Variants in DAB1 observed in about 807,000 individuals in gnomAD.
DAB1 encodes the protein disabled homolog 1.
DAB1 carries 15 observed loss-of-function variants against 64.6 expected under a neutral mutation model. The ratio of observed to expected loss-of-function variants is 0.23; its 90% CI spans 0.16 to 0.36. The LOEUF (loss-of-function observed/expected upper bound fraction) is 0.36, where lower values mean the gene tolerates loss of function less well. DAB1 is among the 10% of genes least tolerant of loss of function. DAB1 has a pLI of 1.00. For missense variants in DAB1, 596 were observed against 706.7 expected (o/e 0.84, Z 1.78); for synonymous variants, 235 against 251.9 (o/e 0.93, Z 0.64).
At chr1:58,516,135 T>C (rs1646154268) in intron 2 of DAB1, among the ~76,000 whole-genome samples, 3 of 152,132 alleles carry the variant, frequency 2.0e-5, no homozygotes, top group African/African-American at 7.2e-5. Flanking sequence ...TATCCCCTTT[T>C]CCCTCACATT....
At chr1:57,495,221 G>A (rs945708691) in intron 7 of DAB1, among the ~76,000 whole-genome samples, 17 of 152,094 alleles carry the variant, frequency 1.1e-4, no homozygotes, top group Non-Finnish European at 2.5e-4. Context: ...TAGCCTAAGA[G>A]GCATCAGGTA....
intron 4 of DAB1, among the ~76,000 whole-genome samples, chr1:58,284,280 G>T (rs114590518): frequency 0.027 from 4,175 of 152,320 alleles, 90 homozygotes; most frequent in African/African-American, 0.049. Flanking sequence ...CTCCTTGAGT[G>T]CCAGCACAGA....
chr1:57,569,214 GC>G (rs1453793374), intron 7 of DAB1, among the ~76,000 whole-genome samples: 4 of 125,580 alleles, frequency 3.2e-5, no homozygotes, highest in Non-Finnish European at 4.7e-5. Context: ...AGCCGAGATT[GC>G]GCCACTGCAC....
At chr1:57,968,830 C>T (rs1645730684) in intron 5 of DAB1, among the ~76,000 whole-genome samples, 1 of 152,184 alleles carries the variant, frequency 6.6e-6, no homozygotes, top group Non-Finnish European at 1.5e-5. Context: ...TATTCAATGG[C>T]TCACAGCTTG....
At chr1:58,313,635 C>A (rs916658060) in intron 4 of DAB1, among the ~76,000 whole-genome samples, 1 of 152,030 alleles carries the variant, frequency 6.6e-6, no homozygotes, top group Non-Finnish European at 1.5e-5. Flanking sequence ...ACAAAAGTAA[C>A]CCGGTGTGTC....
intron 7 of DAB1, among the ~76,000 whole-genome samples, chr1:57,518,431 TAAATA>T (rs1268080437): frequency 1.3e-5 from 2 of 151,968 alleles, no homozygotes; most frequent in Non-Finnish European, 2.9e-5. Flanking sequence ...AAAATAGAAA[TAAATA>T]AAATAAAATA....
chr1:57,399,536 G>C (rs1683072280), intron 1 of DAB1, among the ~76,000 whole-genome samples: 1 of 152,208 alleles, frequency 6.6e-6, no homozygotes, highest in South Asian at 2.1e-4. Flanking sequence ...CCAAGTTGAA[G>C]AATCCCAGTA....
rs538804246 is a variant in DAB1, at chr1:58,525,533, C to CA, written n.107+1727dup. Among the ~76,000 whole-genome samples, 23 of 152,014 alleles carry CA rather than the reference C, an allele frequency of 1.5e-4. No individual in the cohort carries two copies. The South Asian group carries it at 3.3e-3, about 22-fold the overall frequency. Reference sequence around the variant, plus strand: ...ACAAAAGATGTGTAATTCCTACATACAAAAAAATTTCAAAACATCGAGAAA... The same window carrying CA: ...ACAAAAGATGTGTAATTCCTACATACAAAAAAAATTTCAAAACATCGAGAAA... On this transcript the variant is annotated intron_variant and non_coding_transcript_variant, in intron 2 of 20. Coordinates refer to the DAB1 transcript ENST00000485760.
chr1:58,157,854 A>G (rs1235785102), intron 4 of DAB1, among the ~76,000 whole-genome samples: 3 of 152,312 alleles, frequency 2.0e-5, no homozygotes, highest in African/African-American at 7.2e-5. Context: ...ATTTGAGAAT[A>G]TTTATTAAAT....
chr1:57,441,204 A>G (rs1180832667), intron 7 of DAB1, among the ~76,000 whole-genome samples: 12 of 152,196 alleles, frequency 7.9e-5, no homozygotes, highest in Non-Finnish European at 1.2e-4. Context: ...ACACAATTTC[A>G]TTCTTTTTAT....
chr1:57,558,451 G>A (rs747484841), intron 7 of DAB1, among the ~76,000 whole-genome samples: 14 of 152,176 alleles, frequency 9.2e-5, no homozygotes, highest in South Asian at 2.1e-4. Context: ...ATGAGGAAGC[G>A]TGCTACACTC....
intron 2 of DAB1, among the ~76,000 whole-genome samples, chr1:57,265,646 T>C (rs1329857978): frequency 6.6e-6 from 1 of 152,192 alleles, no homozygotes; most frequent in Admixed American, 6.5e-5. Context: ...TAGTCAAGTT[T>C]GAGTTCTCAT....
intron 4 of DAB1, among the ~76,000 whole-genome samples, chr1:58,332,290 T>G (rs1326305865): frequency 1.3e-5 from 2 of 152,194 alleles, no homozygotes; most frequent in East Asian, 1.9e-4. Flanking sequence ...CCCATCTTGC[T>G]TCTCTGCACA....
intron 4 of DAB1, among the ~76,000 whole-genome samples, chr1:57,091,012 C>G (rs1382566595): frequency 6.6e-6 from 1 of 152,000 alleles, no homozygotes; most frequent in Non-Finnish European, 1.5e-5. Context: ...TGAAACTATC[C>G]CTCACCCCGC....
intron 2 of DAB1, among the ~76,000 whole-genome samples, chr1:57,168,235 C>T (rs1661389155): frequency 6.6e-6 from 1 of 152,156 alleles, no homozygotes; most frequent in South Asian, 2.1e-4. Flanking sequence ...TCTCACTTCC[C>T]TTCAAACCCA....
intron 4 of DAB1, among the ~76,000 whole-genome samples, chr1:58,173,483 C>T (rs886784482): frequency 2.0e-5 from 3 of 152,178 alleles, no homozygotes; most frequent in African/African-American, 7.2e-5. Flanking sequence ...GCGACCCCAC[C>T]ACTAGTGAAT....
At chr1:57,515,427 G>A (rs947158748) in intron 7 of DAB1, among the ~76,000 whole-genome samples, 3 of 152,204 alleles carry the variant, frequency 2.0e-5, no homozygotes, top group Admixed American at 6.5e-5. Flanking sequence ...TGAAACCTCA[G>A]AGCAACACAT....
intron 1 of DAB1, among the ~76,000 whole-genome samples, chr1:57,357,469 T>G (rs1046405358): frequency 6.6e-6 from 1 of 151,992 alleles, no homozygotes; most frequent in African/African-American, 2.4e-5. Flanking sequence ...TTCTTCAATT[T>G]CTTTTATCAC....
chr1:57,388,488 T>C (rs1207913535), intron 1 of DAB1, among the ~76,000 whole-genome samples: 1 of 152,148 alleles, frequency 6.6e-6, no homozygotes, highest in Non-Finnish European at 1.5e-5. Context: ...GAGGCTCCTC[T>C]GTACCCCTCC....
Sources: allele counts gnomAD v4.1 joint callset (sites outside exome capture counted in the v4.1 genomes callset), GRCh38; gene constraint gnomAD v4.1.1; transcripts MANE v1.5; gene names NCBI Gene and HGNC (gene_info 2026-07-23, HGNC 2026-07-21).